MAGI2: variants seen among roughly 807,000 people sequenced by gnomAD.
The protein encoded by MAGI2 is membrane associated guanylate kinase, WW and PDZ domain containing 2.
MAGI2 carries 35 observed loss-of-function variants against 133.3 expected under a neutral mutation model. The ratio of observed to expected loss-of-function variants is 0.26; its 90% confidence interval spans 0.20 to 0.35. The LOEUF is 0.35. Among genes scored for constraint, MAGI2 ranks in the 10% least tolerant of loss-of-function variants. MAGI2 has a pLI of 1.00. For missense variants in MAGI2, 1,636 were observed against 1,863.4 expected (o/e 0.88, Z 2.25); for synonymous variants, 729 against 710.6 (o/e 1.03, Z -0.41).
chr7:79,069,578 G>A (rs1282421761), intron 1 of MAGI2, among the ~76,000 whole-genome samples: 2 of 152,066 alleles, frequency 1.3e-5, no homozygotes, highest in African/African-American at 2.4e-5. Flanking sequence ...TTTAATTGGG[G>A]CAATTACCCC....
chr7:78,322,528 T>C (rs980364856), intron 9 of MAGI2, among the ~76,000 whole-genome samples: 4 of 152,080 alleles, frequency 2.6e-5, no homozygotes, highest in Admixed American at 6.6e-5. Flanking sequence ...CCAAACACCA[T>C]GTGTTCTTAC....
intron 2 of MAGI2, among the ~76,000 whole-genome samples, chr7:78,661,369 C>CAGAACTTGGAAA (rs1464418486): frequency 5.5e-4 from 83 of 152,248 alleles, no homozygotes; most frequent in South Asian, 5.4e-3. Context: ...TTTTTAACTG[C>CAGAACTTGGAAA]CTATTAGATA....
chr7:78,335,573 A>G (rs1789677543), intron 9 of MAGI2, among the ~76,000 whole-genome samples: 1 of 152,184 alleles, frequency 6.6e-6, no homozygotes, highest in Admixed American at 6.6e-5. Flanking sequence ...TGAGAAAAAG[A>G]GGATATGGAT....
chr7:78,687,969 T>TAAAAAAAAAAAAAAAAAAAAAAAAAAA (rs72030909), intron 2 of MAGI2, among the ~76,000 whole-genome samples: 52 of 67,238 alleles, frequency 7.7e-4, no homozygotes, highest in Non-Finnish European at 9.7e-4. Flanking sequence ...GTCCTTGCCT[T>TAAAAAAAAAAAAAAAAAAAAAAAAAAA]AAAAAAAAAA....
chr7:78,165,305 A>G (rs1825515671), intron 15 of MAGI2, among the ~76,000 whole-genome samples: 1 of 151,710 alleles, frequency 6.6e-6, no homozygotes, highest in South Asian at 2.1e-4. Flanking sequence ...AGCTTGGGTG[A>G]CAGAGTGAGA....
chr7:79,161,777 TA>T (rs1289178181), intron 1 of MAGI2, among the ~76,000 whole-genome samples: 2 of 152,142 alleles, frequency 1.3e-5, no homozygotes, highest in Non-Finnish European at 2.9e-5. Context: ...CTTATCTTTC[TA>T]AGTTCTCTAA....
chr7:78,845,741 C>T (rs762479016), intron 2 of MAGI2, among the ~76,000 whole-genome samples: 3 of 151,902 alleles, frequency 2.0e-5, no homozygotes, highest in Non-Finnish European at 4.4e-5. Flanking sequence ...AACATCTTTC[C>T]AAACCCCATT....
At chr7:79,151,592 C>A (rs935480098) in intron 1 of MAGI2, among the ~76,000 whole-genome samples, 1 of 151,622 alleles carries the variant, frequency 6.6e-6, no homozygotes, top group African/African-American at 2.4e-5. Context: ...ATTAGAAATA[C>A]CCCCTGGACA....
At chr7:78,985,128 A>T (rs540169592) in intron 2 of MAGI2, among the ~76,000 whole-genome samples, 1 of 152,076 alleles carries the variant, frequency 6.6e-6, no homozygotes, top group Non-Finnish European at 1.5e-5. Flanking sequence ...TGGCCTCTCA[A>T]AGTGCTGGGA....
At chr7:79,099,783 A>C (rs1817814977) in intron 1 of MAGI2, among the ~76,000 whole-genome samples, 1 of 152,180 alleles carries the variant, frequency 6.6e-6, no homozygotes, top group Non-Finnish European at 1.5e-5. Flanking sequence ...AGCTCCATCC[A>C]TGTTGATGCA....
intron 1 of MAGI2, among the ~76,000 whole-genome samples, chr7:79,085,985 G>A (rs1816449682): frequency 6.6e-6 from 1 of 151,822 alleles, no homozygotes. Flanking sequence ...TCTTTTCTGG[G>A]CACATGCACA....
intron 21 of MAGI2, among the ~76,000 whole-genome samples, chr7:78,065,045 GA>G (rs1234081334): frequency 6.6e-6 from 1 of 151,960 alleles, no homozygotes; most frequent in African/African-American, 2.4e-5. Flanking sequence ...GTGCATCACT[GA>G]GTATGGAGGA....
At chr7:78,529,027 C>T (rs906384455) in intron 3 of MAGI2, among the ~76,000 whole-genome samples, 2 of 151,652 alleles carry the variant, frequency 1.3e-5, no homozygotes, top group Non-Finnish European at 2.9e-5. Context: ...CTTAACAAAC[C>T]CCACCTAAGA....
chr7:78,486,993 A>G (rs551562478), intron 6 of MAGI2: 16 of 524,780 alleles, frequency 3.0e-5, no homozygotes, highest in Middle Eastern at 3.5e-4. Flanking sequence ...TCTGATTCAG[A>G]AGAGGGTATT....
At chr7:78,724,729 A>G (rs1471268397) in intron 2 of MAGI2, among the ~76,000 whole-genome samples, 2 of 152,188 alleles carry the variant, frequency 1.3e-5, no homozygotes, top group African/African-American at 4.8e-5. Context: ...GCACTGAGAC[A>G]TGTACCCTGA....
chr7:79,193,705 C>T (rs1027406678), intron 1 of MAGI2, among the ~76,000 whole-genome samples: 10 of 151,782 alleles, frequency 6.6e-5, no homozygotes, highest in African/African-American at 2.2e-4. Context: ...AATTATAATT[C>T]ATTACCTTTA....
At chr7:78,319,355 T>C (rs2151116304) in intron 9 of MAGI2, among the ~76,000 whole-genome samples, 1 of 152,216 alleles carries the variant, frequency 6.6e-6, no homozygotes, top group African/African-American at 2.4e-5. Flanking sequence ...ATCACACTTA[T>C]TCTAAAATTG....
chr7:78,606,078 C>T (rs984576390), intron 3 of MAGI2, among the ~76,000 whole-genome samples: 4 of 152,112 alleles, frequency 2.6e-5, no homozygotes, highest in Non-Finnish European at 5.9e-5. Flanking sequence ...ATTGAATGTT[C>T]TGGGGAATCA....
At chr7:78,704,501 A>C (rs1353177138) in intron 2 of MAGI2, among the ~76,000 whole-genome samples, 1 of 152,152 alleles carries the variant, frequency 6.6e-6, no homozygotes, top group Non-Finnish European at 1.5e-5. Context: ...TGTGGAAAGC[A>C]GTTTGAAGAT....
Sources: allele counts gnomAD v4.1 joint callset (sites outside exome capture counted in the v4.1 genomes callset), GRCh38; gene constraint gnomAD v4.1.1; transcripts MANE v1.5; gene names NCBI Gene and HGNC (gene_info 2026-07-23, HGNC 2026-07-21).